The following PRKD1 variants were observed in gnomAD, a reference collection of about 807,000 sequenced individuals.
PRKD1 encodes serine/threonine-protein kinase D1.
PRKD1 carries 63 observed loss-of-function variants against 95.9 expected under a neutral mutation model. That is an observed-to-expected ratio of 0.66 (90% CI 0.54 to 0.81). The LOEUF is 0.81. PRKD1 is among the 30% of genes least tolerant of loss of function. The pLI, the probability that PRKD1 is intolerant of heterozygous loss-of-function variation, is 0.00. For synonymous variants in PRKD1, 425 were observed against 423.1 expected (o/e 1.00, Z -0.05); for missense variants, 1,048 against 1,165.3 (o/e 0.90, Z 1.47).
chr14:29,704,547 A>C (rs1235558355), intron 2 of PRKD1, among the ~76,000 whole-genome samples: 1 of 152,138 alleles, frequency 6.6e-6, no homozygotes, highest in Non-Finnish European at 1.5e-5. Flanking sequence ...AATCAGACCA[A>C]AGTGCATCTG....
chr14:29,861,562 A>G (rs1244555018), intron 1 of PRKD1, among the ~76,000 whole-genome samples: 1 of 152,170 alleles, frequency 6.6e-6, no homozygotes, highest in African/African-American at 2.4e-5. Flanking sequence ...CAAACAATCC[A>G]ATTATATTAT....
At chr14:29,926,266 CCAGGGCTGAAAAATT>C (rs368202147) in intron 1 of PRKD1, among the ~76,000 whole-genome samples, 2,177 of 152,328 alleles carry the variant, frequency 0.014, 51 homozygotes, top group African/African-American at 0.048. Flanking sequence ...AGCCAGTCCT[CCAGGGCTGAAAAATT>C]CAGCACCTTT....
At chr14:29,614,026 A>G (rs1053622121) in intron 13 of PRKD1, among the ~76,000 whole-genome samples, 1 of 152,204 alleles carries the variant, frequency 6.6e-6, no homozygotes, top group African/African-American at 2.4e-5. Flanking sequence ...TCTAACACAG[A>G]TCTGTCTAAG....
In PRKD1 at chr14:29,630,010, CCTT is replaced by C. The variant is rs368732360; in HGVS notation, c.1672+729_1672+731del. Among the ~76,000 whole-genome samples, 831 of 128,634 alleles carry C rather than the reference CCTT, an allele frequency of 6.5e-3. 10 individuals carry two copies. The highest frequency in any genetic ancestry group is 0.026 in the African/African-American group (760 of 29,614). The allele number at this position is 128,634 out of a possible 152,430, so 84.4% of individuals were successfully genotyped here. A position where few individuals can be genotyped will look rare whatever the true frequency, so the allele number is the denominator to read the frequency against. ...CTCCTCTTCTTCTTCTTCTCCTTCT[CCTT>C]CTTCTTCTGCTTCTTCTTCTTCTCC... is the stretch of plus-strand genomic sequence containing the variant. On this transcript the variant is annotated intron_variant, in intron 10 of 17. Coordinates refer to ENST00000331968, the MANE Select transcript of PRKD1 (RefSeq NM_002742.3).
intron 13 of PRKD1, among the ~76,000 whole-genome samples, chr14:29,606,160 C>T (rs1893697226): frequency 6.6e-6 from 1 of 152,004 alleles, no homozygotes. Flanking sequence ...TTACAGGTGC[C>T]CGCCACCATG....
intron 1 of PRKD1, among the ~76,000 whole-genome samples, chr14:29,868,123 T>C (rs1427560876): frequency 6.6e-6 from 1 of 152,164 alleles, no homozygotes; most frequent in Non-Finnish European, 1.5e-5. Context: ...TTGTTTACCT[T>C]ATGTCTGGCC....
At chr14:29,780,851 C>A (rs190825032) in intron 1 of PRKD1, among the ~76,000 whole-genome samples, 424 of 152,036 alleles carry the variant, frequency 2.8e-3, no homozygotes, top group Admixed American at 8.9e-3. Flanking sequence ...TACGTTTATT[C>A]CAGCACTATT....
At chr14:29,732,155 G>C (rs931465854) in intron 1 of PRKD1, among the ~76,000 whole-genome samples, 1 of 152,108 alleles carries the variant, frequency 6.6e-6, no homozygotes, top group Admixed American at 6.5e-5. Flanking sequence ...TTACAGGCGT[G>C]AGTCACTGCG....
chr14:29,918,713 C>T (rs930842696), intron 1 of PRKD1, among the ~76,000 whole-genome samples: 1 of 152,136 alleles, frequency 6.6e-6, no homozygotes, highest in Admixed American at 6.5e-5. Flanking sequence ...CATGCCACTC[C>T]TAACCAGAAT....
In PRKD1 at chr14:29,745,836, G is replaced by T. The variant is rs531466192; in HGVS notation, c.265-20162C>A. On this transcript the variant is annotated intron_variant, in intron 1 of 17. Transcript: ENST00000331968. ...GGAAACAGACTAATGATTTATCAAT[G>T]GAGGGTTCAGGCTCCTTGTATCTGG... 3.7e-4 allele frequency among the ~76,000 whole-genome samples: 56 copies of T among 152,206 alleles called. No homozygotes were observed. In the South Asian group the frequency reaches 0.011, roughly 31 times the overall value.
intron 1 of PRKD1, among the ~76,000 whole-genome samples, chr14:29,877,868 T>G (rs12891865): frequency 3.9e-5 from 6 of 152,182 alleles, no homozygotes; most frequent in Non-Finnish European, 7.3e-5. Context: ...ACTGCAGCAC[T>G]ATACACAATA....
At chr14:29,769,295 G>A (rs1021808559) in intron 1 of PRKD1, among the ~76,000 whole-genome samples, 1 of 152,062 alleles carries the variant, frequency 6.6e-6, no homozygotes, top group Admixed American at 6.6e-5. Context: ...CCAGCCAGGT[G>A]TGGTGGCTCA....
chr14:29,722,072 G>T (rs1885926444), intron 2 of PRKD1, among the ~76,000 whole-genome samples: 1 of 151,984 alleles, frequency 6.6e-6, no homozygotes, highest in Non-Finnish European at 1.5e-5. Flanking sequence ...AATTAACCTT[G>T]AAATTTTTCC....
Position 29,927,579 on chromosome 14 carries a change from T to C in PRKD1, c.-67A>G. Reference sequence around the variant, plus strand: ...TGGCGGCGCGGCAGCAGGAAAGTTTTGCAGCCGCTGAGCCAGGAGCTTCTT... The same window carrying C: ...TGGCGGCGCGGCAGCAGGAAAGTTTCGCAGCCGCTGAGCCAGGAGCTTCTT... On this transcript the variant is annotated 5_prime_UTR_variant, in exon 1 of 18. Transcript: ENST00000331968. 9.2e-7 allele frequency: 1 copy of C among 1,089,498 alleles called. No individual in the cohort carries two copies. Among genetic ancestry groups the C allele is most frequent in the Non-Finnish European group, 1.1e-6 (1 of 893,928 alleles). 67.5% of individuals were successfully genotyped at this position (1,089,498 alleles called of 1,614,324 possible).
intron 12 of PRKD1, among the ~76,000 whole-genome samples, 187 bp from the exon 13 acceptor site, chr14:29,624,445 T>C (rs549564630): frequency 6.6e-6 from 1 of 152,264 alleles, no homozygotes; most frequent in African/African-American, 2.4e-5. Flanking sequence ...AATATGTGCT[T>C]TAAAAATAGC....
chr14:29,609,545 T>TA (rs1878294280), intron 13 of PRKD1, among the ~76,000 whole-genome samples: 1 of 116,970 alleles, frequency 8.5e-6, no homozygotes, highest in Non-Finnish European at 1.9e-5. Context: ...CACATATATA[T>TA]ATTTTAATTT....
At chr14:29,616,243 CAAAAA>C (rs72142312) in intron 13 of PRKD1, among the ~76,000 whole-genome samples, 28 of 33,958 alleles carry the variant, frequency 8.2e-4, no homozygotes, top group African/African-American at 1.4e-3. Context: ...AGAGTATGGC[CAAAAA>C]AAAAAAAAAA....
chr14:29,649,226 T>C (rs1202547416), intron 4 of PRKD1, among the ~76,000 whole-genome samples: 1 of 152,150 alleles, frequency 6.6e-6, no homozygotes, highest in Non-Finnish European at 1.5e-5. Flanking sequence ...TCACAGGTGA[T>C]ACTGGAGGCG....
chr14:29,906,643 A>G (rs567478218), intron 1 of PRKD1, among the ~76,000 whole-genome samples: 1 of 152,360 alleles, frequency 6.6e-6, no homozygotes, highest in African/African-American at 2.4e-5. Flanking sequence ...AATGAGGAAA[A>G]GGTAAATGTT....
Sources: allele counts gnomAD v4.1 joint callset (sites outside exome capture counted in the v4.1 genomes callset), GRCh38; gene constraint gnomAD v4.1.1; transcripts MANE v1.5; gene names NCBI Gene and HGNC (gene_info 2026-07-23, HGNC 2026-07-21).